The following GALNTL6 variants were observed in gnomAD, a reference collection of about 807,000 sequenced individuals.
GALNTL6 encodes the protein polypeptide N-acetylgalactosaminyltransferase like 6.
GALNTL6 carries 46 observed loss-of-function variants against 73.7 expected under a neutral mutation model. That is an observed-to-expected ratio of 0.62 (90% CI 0.49 to 0.80). GALNTL6 has a LOEUF of 0.80. GALNTL6 is among the 30% of genes least tolerant of loss of function. GALNTL6 has a pLI of 0.00. For missense variants in GALNTL6, 604 were observed against 755.0 expected (o/e 0.80, Z 2.34); for synonymous variants, 259 against 263.7 (o/e 0.98, Z 0.17).
intron 3 of GALNTL6, among the ~76,000 whole-genome samples, chr4:172,270,605 G>A (rs568188807): frequency 5.5e-4 from 83 of 152,196 alleles, no homozygotes; most frequent in African/African-American, 7.7e-4. Flanking sequence ...AAGCACTTTC[G>A]TAGACTCAGA....
intron 5 of GALNTL6, among the ~76,000 whole-genome samples, chr4:172,748,518 A>G (rs181177440): frequency 6.6e-4 from 100 of 152,238 alleles, no homozygotes; most frequent in African/African-American, 2.2e-3. Flanking sequence ...TGGAAAAAAA[A>G]TGCTATTTCA....
chr4:173,008,985 T>G (rs945657822), intron 10 of GALNTL6, among the ~76,000 whole-genome samples, 193 bp from the exon 11 acceptor site: 10 of 152,212 alleles, frequency 6.6e-5, no homozygotes, highest in African/African-American at 2.2e-4. Context: ...GTTAAGCCTG[T>G]GAAGATGGCT....
At chr4:172,226,476 A>C (rs1307766368) in intron 2 of GALNTL6, among the ~76,000 whole-genome samples, 1 of 151,870 alleles carries the variant, frequency 6.6e-6, no homozygotes, top group Non-Finnish European at 1.5e-5. Context: ...CTTAGTTTTT[A>C]ATATATATCA....
chr4:172,155,936 A>T (rs1335083053), intron 2 of GALNTL6, among the ~76,000 whole-genome samples: 1 of 152,104 alleles, frequency 6.6e-6, no homozygotes, highest in African/African-American at 2.4e-5. Flanking sequence ...TGATCATATA[A>T]GTTTACCAAA....
At chr4:172,226,005 G>A (rs937079756) in intron 2 of GALNTL6, among the ~76,000 whole-genome samples, 4 of 152,160 alleles carry the variant, frequency 2.6e-5, no homozygotes, top group African/African-American at 9.6e-5. Context: ...ACTAATAGTG[G>A]CTGAGAATGC....
intron 7 of GALNTL6, among the ~76,000 whole-genome samples, chr4:172,834,296 T>A: frequency 6.6e-6 from 1 of 152,146 alleles, no homozygotes; most frequent in Non-Finnish European, 1.5e-5. Flanking sequence ...GAGCCCCACA[T>A]GGCCCAGGAG....
intron 2 of GALNTL6, among the ~76,000 whole-genome samples, chr4:172,193,544 A>T (rs974509889): frequency 1.7e-5 from 2 of 120,194 alleles, no homozygotes; most frequent in Non-Finnish European, 4.0e-5. Context: ...AGCCTCAAAG[A>T]TTGAAGGTAG....
intron 2 of GALNTL6, among the ~76,000 whole-genome samples, chr4:171,948,215 T>G (rs1433742896): frequency 6.6e-6 from 1 of 152,156 alleles, no homozygotes; most frequent in African/African-American, 2.4e-5. Flanking sequence ...CCTCTTTATT[T>G]CCCTTGAAGC....
intron 5 of GALNTL6, among the ~76,000 whole-genome samples, chr4:172,756,127 T>A (rs1344697692): frequency 6.6e-6 from 1 of 152,214 alleles, no homozygotes; most frequent in Non-Finnish European, 1.5e-5. Context: ...ATGCAAGCGC[T>A]TCAGAAGTAA....
At chr4:172,931,085 G>A in intron 8 of GALNTL6, 76 bp from the exon 9 acceptor site, 1 of 826,764 alleles carries the variant, frequency 1.2e-6, no homozygotes, top group Admixed American at 1.7e-5. Flanking sequence ...TTTTAAGATG[G>A]TTTATGAGTC....
intron 5 of GALNTL6, among the ~76,000 whole-genome samples, chr4:172,588,234 A>G (rs1486876507): frequency 6.6e-6 from 1 of 152,226 alleles, no homozygotes; most frequent in Admixed American, 6.5e-5. Context: ...GTCTTAAATT[A>G]TAGCACACTT....
At chr4:172,495,489 C>T (rs1734040719) in intron 5 of GALNTL6, among the ~76,000 whole-genome samples, 1 of 152,200 alleles carries the variant, frequency 6.6e-6, no homozygotes, top group Non-Finnish European at 1.5e-5. Flanking sequence ...CCTGTCCTCT[C>T]TCCCCTCTGC....
chr4:172,687,337 A>G (rs1560880106), intron 5 of GALNTL6, among the ~76,000 whole-genome samples: 2 of 152,094 alleles, frequency 1.3e-5, no homozygotes, highest in Non-Finnish European at 2.9e-5. Context: ...TAGCCCTGTT[A>G]ATAATTTCTT....
chr4:172,177,817 G>GTATATATATACACACACATATATA (rs1248713220), intron 2 of GALNTL6, among the ~76,000 whole-genome samples: 23 of 132,206 alleles, frequency 1.7e-4, no homozygotes, highest in African/African-American at 7.4e-4. Flanking sequence ...ATATATGTGT[G>GTATATATATACACACACATATATA]TGTATATATA....
At chr4:172,137,552 G>A (rs1560937851) in intron 2 of GALNTL6, among the ~76,000 whole-genome samples, 1 of 152,132 alleles carries the variant, frequency 6.6e-6, no homozygotes, top group Non-Finnish European at 1.5e-5. Context: ...TCCATGACCT[G>A]AATGGAGAGA....
chr4:172,145,643 T>C (rs1483637293), intron 2 of GALNTL6, among the ~76,000 whole-genome samples: 1 of 152,134 alleles, frequency 6.6e-6, no homozygotes, highest in African/African-American at 2.4e-5. Context: ...CAAAGAAAAA[T>C]AAAAACATTT....
chr4:172,006,975 A>C (rs890935589), intron 2 of GALNTL6, among the ~76,000 whole-genome samples: 16 of 152,228 alleles, frequency 1.1e-4, no homozygotes, highest in Admixed American at 3.3e-4. Context: ...CAAAAACTTT[A>C]AAGTTAATAT....
At chr4:172,688,615 T>C (rs1410389691) in intron 5 of GALNTL6, among the ~76,000 whole-genome samples, 1 of 152,178 alleles carries the variant, frequency 6.6e-6, no homozygotes, top group African/African-American at 2.4e-5. Context: ...TAAATGAAAA[T>C]GCACTTTTAG....
At chr4:172,403,201 C>G (rs551340798) in intron 5 of GALNTL6, among the ~76,000 whole-genome samples, 41 of 152,094 alleles carry the variant, frequency 2.7e-4, no homozygotes, top group South Asian at 1.5e-3. Context: ...AACTTTCAAA[C>G]TTCCTCTTTA....
Sources: allele counts gnomAD v4.1 joint callset (sites outside exome capture counted in the v4.1 genomes callset), GRCh38; gene constraint gnomAD v4.1.1; transcripts MANE v1.5; gene names NCBI Gene and HGNC (gene_info 2026-07-23, HGNC 2026-07-21).